Variants in FAM117A observed in about 807,000 individuals in gnomAD.
FAM117A encodes the protein family with sequence similarity 117 member A, also known as protein FAM117A.
A neutral mutation model predicts 44.1 loss-of-function variants in FAM117A; 21 were observed. That is an observed-to-expected ratio of 0.48 (90% CI 0.34 to 0.69). FAM117A has a LOEUF of 0.69. FAM117A is among the 30% of genes least tolerant of loss of function. FAM117A has a pLI of 0.01. For synonymous variants in FAM117A, 220 were observed against 238.3 expected (o/e 0.92, Z 0.71); for missense variants, 498 against 589.9 (o/e 0.84, Z 1.61).
At chr17:49,755,669 T>A (rs1427808615) in intron 1 of FAM117A, among the ~76,000 whole-genome samples, 2 of 152,194 alleles carry the variant, frequency 1.3e-5, no homozygotes, top group African/African-American at 4.8e-5. Context: ...TCAAGCCCAA[T>A]GACCAGGATG....
At chr17:49,729,292 T>G (rs76500437) in intron 2 of FAM117A, among the ~76,000 whole-genome samples, 1 of 151,950 alleles carries the variant, frequency 6.6e-6, no homozygotes, top group South Asian at 2.1e-4. Context: ...TTGCAAGGCA[T>G]GCCCTGGGAA....
chr17:49,753,073 G>A (rs1229376770), intron 1 of FAM117A, among the ~76,000 whole-genome samples: 1 of 152,126 alleles, frequency 6.6e-6, no homozygotes, highest in Non-Finnish European at 1.5e-5. Flanking sequence ...ATGTTGGCCA[G>A]GCTAGTCTCA....
intron 1 of FAM117A, among the ~76,000 whole-genome samples, chr17:49,754,485 T>A (rs1464356038): frequency 6.6e-6 from 1 of 151,820 alleles, no homozygotes; most frequent in Non-Finnish European, 1.5e-5. Context: ...TTTGTATTTT[T>A]AGTAGAGACA....
intron 1 of FAM117A, among the ~76,000 whole-genome samples, chr17:49,742,658 TA>T (rs569061832): frequency 3.5e-4 from 52 of 146,860 alleles, no homozygotes; most frequent in African/African-American, 4.2e-4. Context: ...CCCCTATCTC[TA>T]AAAAAAAAAA....
At chr17:49,785,987 G>A (rs1248333840) in intron 1 of FAM117A, among the ~76,000 whole-genome samples, 1 of 152,176 alleles carries the variant, frequency 6.6e-6, no homozygotes, top group African/African-American at 2.4e-5. Context: ...AAAGCTAATT[G>A]TGTTGTGATG....
chr17:49,734,312 G>A (rs2073600734), intron 1 of FAM117A, among the ~76,000 whole-genome samples: 1 of 151,956 alleles, frequency 6.6e-6, no homozygotes, highest in Non-Finnish European at 1.5e-5. Flanking sequence ...AGACACTAGG[G>A]CCGGGCGCAG....
intron 1 of FAM117A, among the ~76,000 whole-genome samples, chr17:49,763,198 C>G (rs560892381): frequency 6.1e-4 from 93 of 151,668 alleles, no homozygotes; most frequent in Non-Finnish European, 1.2e-3. Context: ...ATGAGACAGC[C>G]ATATTAAGCA....
chr17:49,753,556 C>T (rs905841144), intron 1 of FAM117A, among the ~76,000 whole-genome samples: 1 of 152,216 alleles, frequency 6.6e-6, no homozygotes, highest in Non-Finnish European at 1.5e-5. Flanking sequence ...TGGCTCACGC[C>T]TGTAATCCCA....
chr17:49,774,070 AT>A (rs1260268978), intron 1 of FAM117A, among the ~76,000 whole-genome samples: 2 of 152,026 alleles, frequency 1.3e-5, no homozygotes, highest in Non-Finnish European at 1.5e-5. Flanking sequence ...TAGCTTTATA[AT>A]TTCTCCAAGT....
chr17:49,786,286 G>A (rs928033647), intron 1 of FAM117A, among the ~76,000 whole-genome samples: 12 of 152,152 alleles, frequency 7.9e-5, no homozygotes, highest in East Asian at 3.8e-4. Context: ...ATTAACTAAC[G>A]TCGAACATCT....
chr17:49,785,549 A>G (rs2073803242), intron 1 of FAM117A, among the ~76,000 whole-genome samples: 1 of 152,160 alleles, frequency 6.6e-6, no homozygotes, highest in Non-Finnish European at 1.5e-5. Context: ...CTTGTCCAAG[A>G]GTAATGCAGG....
At chr17:49,780,771 T>C (rs1285249349) in intron 1 of FAM117A, among the ~76,000 whole-genome samples, 2 of 152,178 alleles carry the variant, frequency 1.3e-5, no homozygotes, top group African/African-American at 4.8e-5. Context: ...CTAGATGTAA[T>C]TGGGATGCCA....
chr17:49,713,057 T>C (rs963908279), intron 7 of FAM117A, among the ~76,000 whole-genome samples: 1 of 152,082 alleles, frequency 6.6e-6, no homozygotes, highest in Admixed American at 6.5e-5. Flanking sequence ...ATTATTATTA[T>C]TATTTTTTTA....
In FAM117A at chr17:49,716,454, A is replaced by G. The variant is rs144995877; in HGVS notation, c.911-139T>C. ...GTAGCGGGTGTGCTTATCCAGTGTG[A>G]TTATACTCTACCTTAAAAACCTTTG... On this transcript the variant is annotated intron_variant, in intron 6 of 7. Coordinates refer to ENST00000240364, the MANE Select transcript of FAM117A (RefSeq NM_030802.4). The G allele has an allele frequency of 2.0e-4, 132 of 664,130 alleles. 1 individual carries two copies. The East Asian group carries it at 2.7e-3, about 14-fold the overall frequency. 41.1% of individuals were successfully genotyped at this position (664,130 alleles called of 1,614,324 possible). A position where few individuals can be genotyped will look rare whatever the true frequency, so the allele number is the denominator to read the frequency against.
chr17:49,724,286 C>G (rs919114511), intron 2 of FAM117A: 10 of 451,594 alleles, frequency 2.2e-5, no homozygotes, highest in Non-Finnish European at 3.6e-5. Flanking sequence ...CCGCACCCCC[C>G]ACACAAACCT....
chr17:49,715,210 C>T (rs548008840), intron 7 of FAM117A, among the ~76,000 whole-genome samples: 1 of 152,160 alleles, frequency 6.6e-6, no homozygotes, highest in Non-Finnish European at 1.5e-5. Context: ...TCCCAGGCAA[C>T]AATAATAACA....
chr17:49,722,607 A>G lies in FAM117A; in HGVS notation c.367-13T>C. Reference sequence around the variant, plus strand: ...AGGACAGGGGCGTCTGCAGGGAGAGAAACACAGTGAGACACAGCAGCTTCT... The same window carrying G: ...AGGACAGGGGCGTCTGCAGGGAGAGGAACACAGTGAGACACAGCAGCTTCT... On this transcript the variant is annotated splice_polypyrimidine_tract_variant and intron_variant, in intron 2 of 7. Transcript: ENST00000240364. The G allele has an allele frequency of 1.2e-6, 2 of 1,610,934 alleles. No homozygotes were observed. The highest frequency in any genetic ancestry group is 1.7e-6 in the Non-Finnish European group (2 of 1,177,960).
chr17:49,713,154 C>T (rs1287992907), intron 7 of FAM117A, among the ~76,000 whole-genome samples: 1 of 152,090 alleles, frequency 6.6e-6, no homozygotes, highest in African/African-American at 2.4e-5. Flanking sequence ...TCCCAGAGCA[C>T]TGGGATGACA....
intron 7 of FAM117A, 125 bp downstream of exon 7, chr17:49,716,040 G>T: frequency 9.7e-7 from 1 of 1,030,714 alleles, no homozygotes; most frequent in Non-Finnish European, 1.4e-6. Context: ...ATCATGGAAA[G>T]CTGGCAATAC....
Sources: allele counts gnomAD v4.1 joint callset (sites outside exome capture counted in the v4.1 genomes callset), GRCh38; gene constraint gnomAD v4.1.1; transcripts MANE v1.5; gene names NCBI Gene and HGNC (gene_info 2026-07-23, HGNC 2026-07-21).